ARID1B: variants seen among roughly 807,000 people sequenced by gnomAD.
ARID1B encodes the protein AT-rich interaction domain 1B.
Under a neutral mutation model 212.3 loss-of-function variants are expected in ARID1B, and 30 were observed. The ratio of observed to expected loss-of-function variants is 0.14; its 90% confidence interval spans 0.11 to 0.19. ARID1B has a LOEUF of 0.19. Ranked by LOEUF, ARID1B falls within the 10% of genes least tolerant of loss-of-function variation. The probability of loss-of-function intolerance (pLI) is 1.00; values close to 1 mark genes in which losing one functional copy is unlikely to be tolerated. For missense variants in ARID1B, 2,891 were observed against 3,204.0 expected, an observed-to-expected ratio of 0.90 and a Z score of 2.36; for synonymous variants, 1,402 against 1,301.7, an observed-to-expected ratio of 1.08 and a Z score of -1.66.
chr6:157,015,480 A>G (rs911368639), intron 4 of ARID1B, among the ~76,000 whole-genome samples: 13 of 152,232 alleles, frequency 8.5e-5, no homozygotes, highest in African/African-American at 3.1e-4. Flanking sequence ...GATTCACCAC[A>G]ATATTTGATA....
intron 2 of ARID1B, among the ~76,000 whole-genome samples, chr6:156,891,494 T>A (rs1787917394): frequency 6.6e-6 from 1 of 152,236 alleles, no homozygotes; most frequent in African/African-American, 2.4e-5. Context: ...AGAGTTGGTT[T>A]AAGGAGTGAT....
chr6:156,944,237 G>A (rs922504832), intron 4 of ARID1B, among the ~76,000 whole-genome samples: 6 of 152,144 alleles, frequency 3.9e-5, no homozygotes, highest in African/African-American at 1.4e-4. Flanking sequence ...CTTCAGAAAC[G>A]GCTCCTGTGT....
At chr6:156,885,217 G>GT (rs1373893641) in intron 2 of ARID1B, among the ~76,000 whole-genome samples, 1 of 152,100 alleles carries the variant, frequency 6.6e-6, no homozygotes, top group East Asian at 1.9e-4. Context: ...CTTAAGACAG[G>GT]TATTTGTACC....
intron 1 of ARID1B, among the ~76,000 whole-genome samples, chr6:156,793,952 T>A (rs578031452): frequency 6.6e-6 from 1 of 152,376 alleles, no homozygotes; most frequent in Admixed American, 6.5e-5. Flanking sequence ...TCATTATCTC[T>A]ATTTTATAGA....
chr6:156,861,105 C>T (rs574464659), intron 2 of ARID1B, among the ~76,000 whole-genome samples: 1 of 152,114 alleles, frequency 6.6e-6, no homozygotes, highest in Non-Finnish European at 1.5e-5. Context: ...GAAAGGTAGA[C>T]AGAGGAGCCT....
intron 3 of ARID1B, among the ~76,000 whole-genome samples, chr6:156,908,027 A>G (rs1036084169): frequency 2.0e-5 from 3 of 151,386 alleles, no homozygotes; most frequent in African/African-American, 7.3e-5. Flanking sequence ...AAAGGGTTGT[A>G]TAGCTCTTTA....
In ARID1B at chr6:156,901,461, C is replaced by T. The variant is rs199949701; in HGVS notation, c.2072C>T (p.Pro691Leu). 100 of 1,614,084 alleles carry T rather than the reference C, an allele frequency of 6.2e-5. No individual in the cohort carries two copies. Among genetic ancestry groups the T allele is most frequent in the African/African-American group, 9.3e-5 (7 of 75,016 alleles). Residue 691 changes from proline to leucine, a missense_variant, in exon 3 of 20, where the codon CCG becomes CTG. By Grantham distance (98) the Pro-to-Leu change is moderately conservative (BLOSUM62 -3). Around this residue, in one of 7 missense-constraint regions of ARID1B, gnomAD observed 1,643 missense variants for 1,544.0 expected, o/e 1.06. Transcript: ENST00000636930. ...TATTACAGCCAGCAGCCGCAGCCCC[C>T]GCACCTCCCACCCCAGGCGCAGTAT... ...QPYYSQQPQP[P>L]HLPPQAQYLP... is the part of the protein sequence containing the mutation.
At chr6:156,920,394 GT>G in intron 3 of ARID1B, among the ~76,000 whole-genome samples, 1 of 152,120 alleles carries the variant, frequency 6.6e-6, no homozygotes, top group South Asian at 2.1e-4. Context: ...TTCCTGGATT[GT>G]TTTTTTGCTA....
intron 8 of ARID1B, among the ~76,000 whole-genome samples, chr6:157,163,259 C>T (rs1791066377): frequency 6.6e-6 from 1 of 152,124 alleles, no homozygotes; most frequent in Non-Finnish European, 1.5e-5. Context: ...TGGTCTCGGG[C>T]ATTGTATTTT....
chr6:157,050,803 T>TA (rs2128554883), intron 4 of ARID1B, among the ~76,000 whole-genome samples: 1 of 152,348 alleles, frequency 6.6e-6, no homozygotes, highest in Non-Finnish European at 1.5e-5. Flanking sequence ...ATGTGCTATG[T>TA]AATAGTATGT....
chr6:157,014,227 G>T (rs1779777546), intron 4 of ARID1B, among the ~76,000 whole-genome samples: 1 of 152,216 alleles, frequency 6.6e-6, no homozygotes, highest in Admixed American at 6.5e-5. Flanking sequence ...AATATTGTCA[G>T]CATCGTGTGT....
intron 4 of ARID1B, among the ~76,000 whole-genome samples, chr6:157,038,441 CTG>C (rs1404278306): frequency 3.3e-5 from 5 of 152,060 alleles, no homozygotes; most frequent in Admixed American, 6.6e-5. Context: ...TAAGATGACA[CTG>C]TAATGCTACC....
intron 2 of ARID1B, among the ~76,000 whole-genome samples, chr6:156,873,323 C>A (rs949060896): frequency 6.6e-6 from 1 of 152,168 alleles, no homozygotes; most frequent in Admixed American, 6.5e-5. Context: ...TTTTCTGTCA[C>A]AATAATTGTG....
intron 1 of ARID1B, among the ~76,000 whole-genome samples, chr6:156,820,202 TG>T (rs1372007469): frequency 6.6e-6 from 1 of 152,054 alleles, no homozygotes; most frequent in Non-Finnish European, 1.5e-5. Context: ...AGCCATGGTC[TG>T]GGTGAACTTG....
At chr6:157,086,544 TA>T (rs1784980028) in intron 5 of ARID1B, among the ~76,000 whole-genome samples, 1 of 152,218 alleles carries the variant, frequency 6.6e-6, no homozygotes, top group South Asian at 2.1e-4. Context: ...TCTAAAAACC[TA>T]AATGAAAACT....
chr6:156,836,467 G>A lies in ARID1B; in HGVS notation c.1986+7046G>A, dbSNP rs186316649. On this transcript the variant is annotated intron_variant, in intron 2 of 19. Transcript: ENST00000636930. ...ATCAGAAACTCACCACTGACCCAAA[G>A]GAATGAAATGGGCCCAGAACCAGGA... Among the ~76,000 whole-genome samples the A allele has an allele frequency of 8.6e-4, 131 of 152,232 alleles. 1 individual carries two copies. The highest frequency in any genetic ancestry group is 3.0e-3 in the African/African-American group (124 of 41,536).
chr6:157,093,195 G>C (rs916895667), intron 5 of ARID1B, among the ~76,000 whole-genome samples: 3 of 152,096 alleles, frequency 2.0e-5, no homozygotes, highest in Non-Finnish European at 4.4e-5. Context: ...GAAAATGGTG[G>C]GTAAATGAAT....
At chr6:157,155,593 T>C (rs2128656480) in intron 8 of ARID1B, among the ~76,000 whole-genome samples, 1 of 152,344 alleles carries the variant, frequency 6.6e-6, no homozygotes, top group Admixed American at 6.5e-5. Flanking sequence ...TGCATTTTAA[T>C]ACTACATCAT....
At position 157,004,905 on chromosome 6, in the gene ARID1B, T is replaced by TTTTTTTTTTTTTTTTTTTTTTTTTTG. The variant is rs1779140704; in HGVS notation, c.2247+69354_2247+69355insGTTTTTTTTTTTTTTTTTTTTTTTTT. On this transcript the variant is annotated intron_variant, in intron 4 of 19. Transcript: ENST00000636930. ...TTTTCTTCTTCTTTTTTCTTTTTTT[T>TTTTTTTTTTTTTTTTTTTTTTTTTTG]TTTTTTTTTTTTTTTTTTTTTTTTT... Among the ~76,000 whole-genome samples, 3 of 104,816 alleles carry TTTTTTTTTTTTTTTTTTTTTTTTTTG rather than the reference T, an allele frequency of 2.9e-5. 1 individual carries two copies. Among genetic ancestry groups the TTTTTTTTTTTTTTTTTTTTTTTTTTG allele is most frequent in the African/African-American group, 1.3e-4 (3 of 23,208 alleles). 68.8% of individuals were successfully genotyped at this position (104,816 alleles called of 152,430 possible). A position where few individuals can be genotyped will look rare whatever the true frequency, so the allele number is the denominator to read the frequency against.
Sources: allele counts gnomAD v4.1 joint callset (sites outside exome capture counted in the v4.1 genomes callset), GRCh38; gene constraint gnomAD v4.1.1; regional missense constraint gnomAD v4.1.1; transcripts MANE v1.5; gene names NCBI Gene and HGNC (gene_info 2026-07-23, HGNC 2026-07-21).